The following SPATS2 variants were observed in gnomAD, a reference collection of about 807,000 sequenced individuals.
SPATS2 encodes spermatogenesis-associated serine-rich protein 2.
A neutral mutation model predicts 63.7 loss-of-function variants in SPATS2; 38 were observed. The observed-to-expected ratio is 0.60, with a 90% confidence interval of 0.46 to 0.78. SPATS2 has a LOEUF of 0.78. Among genes scored for constraint, SPATS2 ranks in the 30% least tolerant of loss-of-function variants. The probability of loss-of-function intolerance (pLI) is 0.00; values close to 1 mark genes in which losing one functional copy is unlikely to be tolerated. For missense variants in SPATS2, 588 were observed against 666.2 expected (o/e 0.88, Z 1.29); for synonymous variants, 207 against 232.9 (o/e 0.89, Z 1.01).
intron 3 of SPATS2, among the ~76,000 whole-genome samples, chr12:49,468,530 G>T (rs1945972515): frequency 6.6e-6 from 1 of 151,912 alleles, no homozygotes; most frequent in Non-Finnish European, 1.5e-5. Flanking sequence ...AGGCTGGAGT[G>T]CAGTGGTGTG....
At chr12:49,458,733 T>G (rs1005562068) in intron 2 of SPATS2, among the ~76,000 whole-genome samples, 2 of 107,154 alleles carry the variant, frequency 1.9e-5, no homozygotes, top group Non-Finnish European at 4.1e-5. Context: ...TTCCATCTCG[T>G]TTTTTTTTTT....
intron 1 of SPATS2, among the ~76,000 whole-genome samples, 173 bp downstream of exon 1, chr12:49,367,760 T>C (rs1162879966): frequency 2.4e-5 from 3 of 123,390 alleles, no homozygotes; most frequent in African/African-American, 9.7e-5. Flanking sequence ...GGAAGGTTCC[T>C]GGGGTCTGTG....
chr12:49,411,600 C>A (rs2137362089), intron 2 of SPATS2, among the ~76,000 whole-genome samples: 1 of 152,194 alleles, frequency 6.6e-6, no homozygotes, highest in East Asian at 1.9e-4. Flanking sequence ...TTTAAAATTT[C>A]TTCTCAAACT....
intron 2 of SPATS2, among the ~76,000 whole-genome samples, chr12:49,440,626 G>A (rs1298298641): frequency 1.3e-5 from 2 of 151,848 alleles, no homozygotes; most frequent in African/African-American, 2.4e-5. Context: ...ACACCACCAC[G>A]GCCAGCTAAT....
chr12:49,408,594 C>T (rs1351388933), intron 2 of SPATS2, among the ~76,000 whole-genome samples: 17 of 122,760 alleles, frequency 1.4e-4, no homozygotes, highest in Admixed American at 6.2e-4. Context: ...CTTGCTCTGC[C>T]GCCCAGGCTG....
chr12:49,369,827 A>G lies in SPATS2; in HGVS notation c.-306-1401A>G, dbSNP rs148788424. On this transcript the variant is annotated intron_variant, in intron 1 of 13. Transcript: ENST00000552918. Reference sequence around the variant, plus strand: ...CATACGTGGCACTCTTACTTGTAGAAGTCAAGACAGCCAGTTGTGGAGCCA... The same window carrying G: ...CATACGTGGCACTCTTACTTGTAGAGGTCAAGACAGCCAGTTGTGGAGCCA... Among the ~76,000 whole-genome samples, 1,386 of 152,354 alleles carry G rather than the reference A, an allele frequency of 9.1e-3. 8 individuals carry two copies. The highest frequency in any genetic ancestry group is 0.016 in the Non-Finnish European group (1,071 of 68,030).
At chr12:49,412,149 T>C (rs1365615336) in intron 2 of SPATS2, among the ~76,000 whole-genome samples, 1 of 152,196 alleles carries the variant, frequency 6.6e-6, no homozygotes, top group African/African-American at 2.4e-5. Flanking sequence ...TAGTGTTATA[T>C]TGCAGAGGAG....
intron 3 of SPATS2, among the ~76,000 whole-genome samples, chr12:49,470,384 A>G (rs1335523124): frequency 6.6e-6 from 1 of 152,086 alleles, no homozygotes; most frequent in Non-Finnish European, 1.5e-5. Flanking sequence ...GACTGGTTTT[A>G]TTGATAGTGC....
In SPATS2 at chr12:49,415,137, G is replaced by A. The variant is rs376256177; in HGVS notation, c.-244+43847G>A. ...AGTAGAGATGGGGTTTCACCATATT[G>A]GGCAGGCTGGTCTCGAACTCCTGAC... is the stretch of plus-strand genomic sequence containing the variant. On this transcript the variant is annotated intron_variant, in intron 2 of 13. Transcript: ENST00000552918. Among the ~76,000 whole-genome samples the A allele has an allele frequency of 3.3e-5, 5 of 151,618 alleles. No homozygotes were observed. The South Asian group carries it at 6.3e-4, about 19-fold the overall frequency.
intron 3 of SPATS2, among the ~76,000 whole-genome samples, chr12:49,475,427 C>CTTGTTGTTGTTGTTGTTG (rs111655814): frequency 6.6e-5 from 10 of 151,390 alleles, no homozygotes; most frequent in South Asian, 2.1e-4. Context: ...TGGTAGAATT[C>CTTGTTGTTGTTGTTGTTG]TTGTTGTTGT....
At chr12:49,386,036 G>T (rs145622464) in intron 2 of SPATS2, among the ~76,000 whole-genome samples, 1 of 149,906 alleles carries the variant, frequency 6.7e-6, no homozygotes, top group Non-Finnish European at 1.5e-5. Context: ...GCTGATTTTC[G>T]TATTTTTTTT....
intron 2 of SPATS2, among the ~76,000 whole-genome samples, chr12:49,383,100 C>T (rs1365400896): frequency 2.6e-5 from 4 of 152,012 alleles, no homozygotes; most frequent in Non-Finnish European, 5.9e-5. Flanking sequence ...TCAATGCAGC[C>T]TCCGCCTCCC....
intron 5 of SPATS2, among the ~76,000 whole-genome samples, chr12:49,489,888 A>G (rs1411043403): frequency 3.3e-5 from 5 of 152,210 alleles, no homozygotes; most frequent in African/African-American, 9.6e-5. Flanking sequence ...AGAGACTCTT[A>G]ATAACAAAGC....
intron 10 of SPATS2, among the ~76,000 whole-genome samples, chr12:49,516,425 T>C (rs1183266227): frequency 6.6e-6 from 1 of 150,618 alleles, no homozygotes; most frequent in African/African-American, 2.4e-5. Flanking sequence ...TAGAAAATTT[T>C]GGCCGGGTGC....
chr12:49,389,644 G>C (rs1310232654), intron 2 of SPATS2: 1 of 1,261,426 alleles, frequency 7.9e-7, no homozygotes, highest in East Asian at 2.3e-5. Context: ...TAGAAGCCAC[G>C]AAGCAGTATC....
chr12:49,514,495 T>C (rs146943953), intron 9 of SPATS2, 60 bp from the exon 10 acceptor site: 45 of 1,499,590 alleles, frequency 3.0e-5, no homozygotes, highest in Non-Finnish European at 4.0e-5. Context: ...ATTAATAATG[T>C]GCTAATTTTG....
At chr12:49,503,173 AACCCCATCTCT>A (rs142106868) in intron 9 of SPATS2, among the ~76,000 whole-genome samples, 4,415 of 152,104 alleles carry the variant, frequency 0.029, 85 homozygotes, top group Middle Eastern at 0.078. Flanking sequence ...AACATGGTGA[AACCCCATCTCT>A]ACTAAACATT....
At chr12:49,503,992 C>G (rs752842157) in intron 9 of SPATS2, among the ~76,000 whole-genome samples, 9 of 152,140 alleles carry the variant, frequency 5.9e-5, no homozygotes, top group Non-Finnish European at 1.2e-4. Flanking sequence ...AGTATAAAGC[C>G]CTTTGCTCTG....
chr12:49,379,711 C>T (rs979742433), intron 2 of SPATS2, among the ~76,000 whole-genome samples: 34 of 150,172 alleles, frequency 2.3e-4, no homozygotes, highest in African/African-American at 8.1e-4. Context: ...CAACCTCTGC[C>T]TCCTGGGTTC....
Sources: gnomAD v4.1 joint callset for allele counts (sites outside exome capture counted in the v4.1 genomes callset) on GRCh38, gnomAD v4.1.1 for gene constraint, MANE v1.5 for transcripts, NCBI Gene and HGNC (gene_info 2026-07-23, HGNC 2026-07-21) for gene names.